Variants in ZMYM6 observed in about 807,000 individuals in gnomAD.
The protein encoded by ZMYM6 is zinc finger MYM-type containing 6.
A neutral mutation model predicts 134.0 loss-of-function variants in ZMYM6; 90 were observed. The observed-to-expected ratio is 0.67, with a 90% CI of 0.57 to 0.80. ZMYM6 has a LOEUF of 0.80. Ranked by LOEUF, ZMYM6 falls within the 30% of genes least tolerant of loss-of-function variation. The pLI is 0.00. For synonymous variants in ZMYM6, 481 were observed against 524.1 expected (o/e 0.92, Z 1.12); for missense variants, 1,362 against 1,533.9 (o/e 0.89, Z 1.87).
rs1204131331 is a variant in ZMYM6 at position 34,988,435 on chromosome 1, T to C, written c.2647A>G (p.Ile883Val). ...MKTIPLSNVT[I>V]QHRIDELSAD... ...GATAGTTCATCAATCCTGTGTTGAA[T>C]TGTAACATTAGAAAGTGGAATAGTT... The change falls in exon 16 of 16, where the codon ATT (isoleucine) becomes GTT (valine). Residue 883 changes from isoleucine (I) to valine (V), a missense_variant. Physicochemically the swap from Ile to Val is conservative, Grantham distance 29 (BLOSUM62 3). This residue lies in a region of ZMYM6 where 824 missense variants were observed against 940.9 expected (regional missense o/e 0.88). Transcript: ENST00000357182. 25 of 1,551,464 alleles carry C rather than the reference T, an allele frequency of 1.6e-5. No homozygotes were observed. The highest frequency in any genetic ancestry group is 2.1e-5 in the Non-Finnish European group (24 of 1,146,950).
intron 3 of ZMYM6, 101 bp from the exon 4 acceptor site, chr1:35,019,703 C>T: frequency 7.3e-7 from 1 of 1,362,038 alleles, no homozygotes. Context: ...GAGACACGGT[C>T]TCACTGTCAC....
chr1:35,011,176 G>T, intron 8 of ZMYM6, 140 bp from the exon 9 acceptor site: 1 of 899,062 alleles, frequency 1.1e-6, no homozygotes. Flanking sequence ...GAGTTTAAAT[G>T]GTATATTTCC....
Position 35,015,043 on chromosome 1 carries a change from G to T in ZMYM6, c.548C>A (p.Thr183Asn). 1.9e-6 allele frequency: 3 copies of T among 1,613,866 alleles called. No homozygotes were observed. The South Asian group carries it at 3.3e-5, about 18-fold the overall frequency. Residue 183 changes from threonine (T) to asparagine (N), a missense_variant, in exon 5 of 16, where the codon ACC becomes AAC. Physicochemically the swap from Thr to Asn is moderately conservative, Grantham distance 65 (BLOSUM62 0). This residue lies in a region of ZMYM6 where 503 missense variants were observed against 520.8 expected (regional missense o/e 0.97). Transcript: ENST00000357182. The stretch of plus-strand genomic sequence containing the variant: ...AGTTGAAATGCTTTTGGTATATATG[G>T]TAACAACAGGTTTTTTCTTTAGCTC... The part of the protein sequence containing the change: ...SYELKKKPVV[T>N]IYTKSISTKC...
intron 13 of ZMYM6, among the ~76,000 whole-genome samples, chr1:35,004,336 A>C (rs991057824): frequency 6.6e-6 from 1 of 152,200 alleles, no homozygotes; most frequent in African/African-American, 2.4e-5. Context: ...AAAAGAAAAC[A>C]AACAAATTAG....
rs142231271 is a variant in ZMYM6, at chr1:35,019,544, C to T, written c.237G>A (p.Leu79=). Residue 79 remains leucine, a synonymous_variant, in exon 4 of 16, where the codon TTG becomes TTA. Transcript: ENST00000357182. ...TAGCAACAGCTGGAACTGAAGGAAG[C>T]AACACACTTGGGCCAGATGATGCAA... is the stretch of plus-strand genomic sequence containing the variant. ...LSFASSGPSV[L]LPSVPAVAIK... is the part of the protein sequence containing the mutation. The T allele has an allele frequency of 2.7e-5, 44 of 1,613,966 alleles. No homozygotes were observed. The African/African-American group carries it at 5.7e-4, about 21-fold the overall frequency.
chr1:35,024,268 TAC>T (rs1641365140), intron 2 of ZMYM6, among the ~76,000 whole-genome samples: 1 of 152,182 alleles, frequency 6.6e-6, no homozygotes, highest in Admixed American at 6.5e-5. Context: ...TTGCAAGCAA[TAC>T]ACTTATAGTA....
chr1:35,013,078 A>G lies in ZMYM6; in HGVS notation c.796-497T>C. ...CTGAGTTTCATAATAAAATCTGCTTATAAGTTTATTCATGTTTTAAGAAAT... is the reference window on the plus strand; with the variant it reads ...CTGAGTTTCATAATAAAATCTGCTTGTAAGTTTATTCATGTTTTAAGAAAT... On this transcript the variant is annotated intron_variant, in intron 6 of 15. Coordinates refer to ENST00000357182, the MANE Select transcript of ZMYM6 (RefSeq NM_007167.4). 7 of 905,540 alleles carry G rather than the reference A, an allele frequency of 7.7e-6. No homozygotes were observed. In the South Asian group the frequency reaches 2.0e-4, roughly 26 times the overall value. 56.1% of individuals were successfully genotyped at this position (905,540 alleles called of 1,614,324 possible). A position where few individuals can be genotyped will look rare whatever the true frequency, so the allele number is the denominator to read the frequency against.
intron 4 of ZMYM6, chr1:35,018,936 C>T (rs941194315): frequency 6.4e-5 from 13 of 204,662 alleles, no homozygotes; most frequent in African/African-American, 3.0e-4. Context: ...GAAATAAACA[C>T]ATTTTTGCGA....
chr1:35,030,740 T>C, intron 1 of ZMYM6, 27 bp from the exon 2 acceptor site: 1 of 1,188,706 alleles, frequency 8.4e-7, no homozygotes, highest in Non-Finnish European at 1.2e-6. Context: ...GGCTTATTCT[T>C]TTTTCTTCAG....
intron 4 of ZMYM6, among the ~76,000 whole-genome samples, chr1:35,016,662 A>G (rs1339782982): frequency 1.3e-5 from 2 of 152,170 alleles, no homozygotes; most frequent in Non-Finnish European, 2.9e-5. Flanking sequence ...CTTTACTCAA[A>G]TTACCCAATT....
chr1:34,993,774 C>T lies in ZMYM6; in HGVS notation c.1993-1387G>A, dbSNP rs143259564. ...TCTCAGCTCACTGCAACCTCTGCCT[C>T]CTGGATTCATGCCATTCTCCTGCCT... On this transcript the variant is annotated intron_variant, in intron 14 of 15. Coordinates refer to ENST00000357182, the MANE Select transcript of ZMYM6 (RefSeq NM_007167.4). Among the ~76,000 whole-genome samples the T allele has an allele frequency of 9.7e-3, 1,475 of 152,118 alleles. 25 individuals carry two copies. Among genetic ancestry groups the T allele is most frequent in the African/African-American group, 0.034 (1,408 of 41,508 alleles).
intron 14 of ZMYM6, among the ~76,000 whole-genome samples, chr1:35,003,198 A>C (rs558192367): frequency 6.6e-6 from 1 of 151,314 alleles, no homozygotes; most frequent in South Asian, 2.1e-4. Context: ...AAAAAAAAAA[A>C]AAAAAGCATA....
intron 15 of ZMYM6, chr1:34,989,325 C>T: frequency 1.1e-6 from 1 of 888,804 alleles, no homozygotes; most frequent in Non-Finnish European, 1.3e-6. Context: ...GTCACTTGAG[C>T]CCTGGAGTTA....
chr1:35,005,696 C>T (rs1640954598), intron 12 of ZMYM6, among the ~76,000 whole-genome samples: 1 of 149,718 alleles, frequency 6.7e-6, no homozygotes, highest in Non-Finnish European at 1.5e-5. Context: ...CTATTAGTGA[C>T]TATTAAAACT....
chr1:35,012,553 A>G lies in ZMYM6; in HGVS notation c.824T>C (p.Leu275Pro), dbSNP rs555176875. The G allele has an allele frequency of 2.5e-5, 41 of 1,613,482 alleles. No individual in the cohort carries two copies. Among genetic ancestry groups the G allele is most frequent in the Admixed American group, 2.2e-4 (13 of 59,946 alleles). The change falls in exon 7 of 16, where the codon CTG (leucine) becomes CCG (proline). Residue 275 changes from leucine to proline, a missense_variant. By Grantham distance (98) the Leu-to-Pro change is moderately conservative. Around this residue, in one of 3 missense-constraint regions of ZMYM6, gnomAD observed 503 missense variants for 520.8 expected, o/e 0.97. Coordinates refer to ENST00000357182, the MANE Select transcript of ZMYM6 (RefSeq NM_007167.4). ...AGCTGAGGGCCTCAATGACTTCCCC[A>G]GGGCATATGGAGGAATTTGGGCAGA... ...QNSAQIPPYA[L>P]GKSLRPSAEM...
chr1:34,989,416 G>T, intron 15 of ZMYM6: 1 of 179,918 alleles, frequency 5.6e-6, no homozygotes, highest in Non-Finnish European at 9.1e-6. Flanking sequence ...TTGGCTGGAT[G>T]CAATGGCACA....
intron 4 of ZMYM6, chr1:35,019,075 A>G (rs1641257281): frequency 5.6e-6 from 3 of 535,046 alleles, no homozygotes; most frequent in Non-Finnish European, 9.8e-6. Flanking sequence ...GTGGGTGTCT[A>G]CAATTACAGG....
chr1:35,028,721 G>A (rs1225536107), intron 2 of ZMYM6, among the ~76,000 whole-genome samples: 7 of 151,564 alleles, frequency 4.6e-5, no homozygotes, highest in Non-Finnish European at 7.4e-5. Context: ...GGATGGTCTC[G>A]ATCTCCTGAC....
intron 15 of ZMYM6, among the ~76,000 whole-genome samples, chr1:34,991,791 C>CA (rs796578117): frequency 1.2e-4 from 18 of 150,724 alleles, no homozygotes; most frequent in South Asian, 2.1e-4. Context: ...AACAAACAAA[C>CA]AAAAAAAAAC....
Sources: allele counts gnomAD v4.1 joint callset (sites outside exome capture counted in the v4.1 genomes callset), GRCh38; gene constraint gnomAD v4.1.1; regional missense constraint gnomAD v4.1.1; transcripts MANE v1.5; gene names NCBI Gene and HGNC (gene_info 2026-07-23, HGNC 2026-07-21).